Variants in MED13L observed in about 807,000 individuals in gnomAD.
MED13L encodes the protein mediator of RNA polymerase II transcription subunit 13-like.
MED13L carries 7 observed loss-of-function variants against 220.9 expected under a neutral mutation model. That is an observed-to-expected ratio of 0.03 (90% CI 0.02 to 0.06). MED13L has a LOEUF of 0.06. Among genes scored for constraint, MED13L ranks in the 10% least tolerant of loss-of-function variants. MED13L has a pLI of 1.00. For missense variants in MED13L, 1,965 were observed against 2,760.5 expected (o/e 0.71, Z 6.46); for synonymous variants, 1,011 against 1,015.2 (o/e 1.00, Z 0.08).
At chr12:115,983,084 G>C in intron 21 of MED13L, 33 bp downstream of exon 21, 1 of 1,606,932 alleles carries the variant, frequency 6.2e-7, no homozygotes, top group Non-Finnish European at 8.5e-7. Flanking sequence ...GGTCTGAGCT[G>C]AAGCCACTCA....
chr12:116,101,917 C>A (rs1188896067), intron 3 of MED13L, among the ~76,000 whole-genome samples: 1 of 152,126 alleles, frequency 6.6e-6, no homozygotes, highest in Non-Finnish European at 1.5e-5. Flanking sequence ...ACTCAGTAAT[C>A]CCAGTCATTA....
At chr12:116,143,808 A>G (rs1341177581) in intron 2 of MED13L, among the ~76,000 whole-genome samples, 1 of 152,228 alleles carries the variant, frequency 6.6e-6, no homozygotes, top group Non-Finnish European at 1.5e-5. Context: ...GGTTGTTCAT[A>G]TTCATAGACA....
chr12:115,964,160 T>G (rs1875972324), intron 29 of MED13L, among the ~76,000 whole-genome samples: 1 of 152,216 alleles, frequency 6.6e-6, no homozygotes, highest in African/African-American at 2.4e-5. Flanking sequence ...ATTATTTTGC[T>G]TGTAAAAAGT....
At chr12:116,240,449 A>T (rs561172129) in intron 1 of MED13L, among the ~76,000 whole-genome samples, 1 of 152,118 alleles carries the variant, frequency 6.6e-6, no homozygotes, top group East Asian at 1.9e-4. Flanking sequence ...TTAATCAGAA[A>T]CCCTGACATC....
chr12:116,225,006 T>C (rs1006041367), intron 2 of MED13L, among the ~76,000 whole-genome samples: 10 of 152,194 alleles, frequency 6.6e-5, no homozygotes, highest in African/African-American at 1.7e-4. Context: ...ACACCTTACA[T>C]GTATAAAGCT....
rs1277680339 is a variant in MED13L, at chr12:116,008,454, A to T, written c.1959T>A (p.Gly653=). 2.5e-6 allele frequency: 4 copies of T among 1,612,958 alleles called. No individual in the cohort carries two copies. Among genetic ancestry groups the T allele is most frequent in the Non-Finnish European group, 3.4e-6 (4 of 1,179,960 alleles). The change falls in exon 10 of 31, where the codon GGT becomes GGA. Residue 653 remains glycine (G), a synonymous_variant. Coordinates refer to ENST00000281928, the MANE Select transcript of MED13L (RefSeq NM_015335.5). ...DAEFRPPELQ[G]ERCDAKMEVN... ...CCTCCATTTTGGCATCACATCTCTCACCCTGGAGCTCTGGAGGCCTGAACT... is the reference window on the plus strand; with the variant it reads ...CCTCCATTTTGGCATCACATCTCTCTCCCTGGAGCTCTGGAGGCCTGAACT...
At chr12:116,186,149 A>G (rs1880887870) in intron 2 of MED13L, among the ~76,000 whole-genome samples, 1 of 152,220 alleles carries the variant, frequency 6.6e-6, no homozygotes, top group African/African-American at 2.4e-5. Flanking sequence ...TCATTTCCCC[A>G]AAGCAGCAAT....
In MED13L at chr12:115,958,974, T is replaced by A. The variant is rs1235532515; in HGVS notation, c.*2292A>T. The A allele has an allele frequency of 6.6e-6, 1 of 152,458 alleles. No homozygotes were observed. The highest frequency in any genetic ancestry group is 1.5e-5 in the Non-Finnish European group (1 of 68,010). The allele number at this position is 152,458 out of a possible 1,614,324, so 9.4% of individuals were successfully genotyped here. ...TTTTTGTTCAAACCATGGTAAGAGT[T>A]CTGATTTCTGCAGAATTTCCAAAAT... On this transcript the variant is annotated 3_prime_UTR_variant, in exon 31 of 31. Coordinates refer to ENST00000281928, the MANE Select transcript of MED13L (RefSeq NM_015335.5).
intron 1 of MED13L, among the ~76,000 whole-genome samples, chr12:116,238,676 G>A (rs1870323450): frequency 6.6e-6 from 1 of 152,032 alleles, no homozygotes; most frequent in Admixed American, 6.5e-5. Context: ...TGTACCACTA[G>A]GTAGAAAACA....
intron 4 of MED13L, among the ~76,000 whole-genome samples, chr12:116,074,274 A>G (rs1469129468): frequency 6.6e-6 from 1 of 152,172 alleles, no homozygotes; most frequent in African/African-American, 2.4e-5. Context: ...GCAAGCTTGT[A>G]GTCCCAGCTA....
intron 2 of MED13L, chr12:116,148,480 CAA>C (rs915554899): frequency 2.7e-4 from 75 of 274,170 alleles, no homozygotes; most frequent in African/African-American, 1.6e-3. Context: ...ATGTCAATGA[CAA>C]AAGTGTTTTA....
At chr12:116,118,210 CAT>C (rs1414042755) in intron 2 of MED13L, among the ~76,000 whole-genome samples, 1 of 152,028 alleles carries the variant, frequency 6.6e-6, no homozygotes, top group Non-Finnish European at 1.5e-5. Context: ...CATAAATTAA[CAT>C]AAAGTTTGGG....
chr12:116,143,079 T>G (rs1877212908), intron 2 of MED13L, among the ~76,000 whole-genome samples: 1 of 152,210 alleles, frequency 6.6e-6, no homozygotes, highest in Admixed American at 6.5e-5. Flanking sequence ...GACTGCTTAA[T>G]TCTGAACTAC....
intron 2 of MED13L, among the ~76,000 whole-genome samples, chr12:116,123,597 C>A (rs1214588594): frequency 6.6e-6 from 1 of 152,070 alleles, no homozygotes; most frequent in African/African-American, 2.4e-5. Context: ...CACACAGAAG[C>A]TTGCTACTAA....
chr12:115,982,370 T>C lies in MED13L; in HGVS notation c.5175+14A>G. On this transcript the variant is annotated intron_variant, in intron 22 of 30. Coordinates refer to ENST00000281928, the MANE Select transcript of MED13L (RefSeq NM_015335.5). ...ACAACATCAAAAGTAAATAATAAAC[T>C]TGCAAACAGTAACCTGGAGAATGAA... 1 of 1,591,806 alleles carries C rather than the reference T, an allele frequency of 6.3e-7. No individual in the cohort carries two copies. Among genetic ancestry groups the C allele is most frequent in the African/African-American group, 1.3e-5 (1 of 74,488 alleles).
At chr12:116,255,074 C>T (rs989894513) in intron 1 of MED13L, among the ~76,000 whole-genome samples, 8 of 152,012 alleles carry the variant, frequency 5.3e-5, no homozygotes, top group Non-Finnish European at 8.8e-5. Flanking sequence ...ATGCAAAACA[C>T]CCAGAAGAAT....
At chr12:116,111,095 T>C (rs191710294) in intron 3 of MED13L, among the ~76,000 whole-genome samples, 2 of 152,288 alleles carry the variant, frequency 1.3e-5, no homozygotes, top group Non-Finnish European at 2.9e-5. Context: ...TGTGCTAATA[T>C]ACCTTTGTCC....
At chr12:116,167,056 T>G (rs978343237) in intron 2 of MED13L, among the ~76,000 whole-genome samples, 1 of 152,138 alleles carries the variant, frequency 6.6e-6, no homozygotes, top group African/African-American at 2.4e-5. Context: ...CAAAATTCGA[T>G]GTTCAAAACT....
chr12:116,251,327 T>A (rs865979647), intron 1 of MED13L, among the ~76,000 whole-genome samples: 6 of 126,016 alleles, frequency 4.8e-5, no homozygotes, highest in East Asian at 2.3e-4. Flanking sequence ...TTTTTTTTTT[T>A]TTTTTTTGTA....
Sources: gnomAD v4.1 joint callset for allele counts (sites outside exome capture counted in the v4.1 genomes callset) on GRCh38, gnomAD v4.1.1 for gene constraint, MANE v1.5 for transcripts, NCBI Gene and HGNC (gene_info 2026-07-23, HGNC 2026-07-21) for gene names.